SYPL1: variants seen among roughly 807,000 people sequenced by gnomAD.
SYPL1 encodes the protein synaptophysin-like protein 1.
In SYPL1, 6 loss-of-function variants were observed where a neutral mutation model predicts 23.7. That is an observed-to-expected ratio of 0.25 (90% CI 0.14 to 0.50). The LOEUF (loss-of-function observed/expected upper bound fraction) is 0.50, where lower values mean the gene tolerates loss of function less well. Ranked by LOEUF, SYPL1 falls within the 20% of genes least tolerant of loss-of-function variation. SYPL1 has a pLI of 0.98. For missense variants in SYPL1, 253 were observed against 288.9 expected (o/e 0.88, Z 0.90); for synonymous variants, 102 against 104.5 (o/e 0.98, Z 0.15).
Position 106,091,871 on chromosome 7 carries a change from T to TA in SYPL1, c.659dup (p.His221ThrfsTer11). On this transcript the variant is annotated frameshift_variant, in exon 5 of 5. Transcript: ENST00000455385. LOFTEE classifies it high-confidence loss of function. This position sits in a 1 kb window ranked among gnomAD's most constrained non-coding sequence, Gnocchi z 5.0. ...GGGCAGATGTATTTGATGGACTGTG[T>TA]AGGCTGGTCTCCTTGTACACAAACC... is the stretch of plus-strand genomic sequence containing the variant. The TA allele has an allele frequency of 1.2e-6, 2 of 1,613,834 alleles. No homozygotes were observed. Among genetic ancestry groups the TA allele is most frequent in the East Asian group, 4.5e-5 (2 of 44,848 alleles).
In SYPL1 at chr7:106,096,590, C is replaced by A. The variant is rs901214209; in HGVS notation, c.402+1100G>T. Among the ~76,000 whole-genome samples, 9 of 152,186 alleles carry A rather than the reference C, an allele frequency of 5.9e-5. No homozygotes were observed. Among genetic ancestry groups the A allele is most frequent in the African/African-American group, 2.2e-4 (9 of 41,446 alleles). On this transcript the variant is annotated intron_variant, in intron 3 of 4. Coordinates refer to ENST00000455385, the MANE Select transcript of SYPL1 (RefSeq NM_182715.4). This position sits in a 1 kb window ranked among gnomAD's most constrained non-coding sequence, Gnocchi z 4.4. ...CACCAATAATCCAGGGCAGATTCTA[C>A]TAACTAAATCTCAGAGAATATTTCT...
intron 2 of SYPL1, 87 bp downstream of exon 2, chr7:106,099,071 C>T: frequency 6.6e-7 from 1 of 1,521,100 alleles, no homozygotes; most frequent in South Asian, 1.3e-5. Flanking sequence ...TTTTCTACCC[C>T]CCACAATCAA....
chr7:106,102,220 G>C (rs7807114), intron 1 of SYPL1, among the ~76,000 whole-genome samples: 62,470 of 151,734 alleles, frequency 0.41, 13,038 homozygotes, highest in East Asian at 0.51. Flanking sequence ...AGCCTCCTGA[G>C]TAGCAGGGGT....
At chr7:106,101,143 C>CT (rs1250530190) in intron 1 of SYPL1, among the ~76,000 whole-genome samples, 1 of 152,106 alleles carries the variant, frequency 6.6e-6, no homozygotes, top group Non-Finnish European at 1.5e-5. Context: ...CTACCCCGCA[C>CT]TACCTATTCC....
At chr7:106,112,483 C>T (rs567147151), upstream of SYPL1, 28 of 1,519,554 alleles carry the variant, frequency 1.8e-5, no homozygotes, top group African/African-American at 3.5e-4. Context: ...CCGCACCTGG[C>T]CGAGTCGACT....
At chr7:106,110,858 G>A (rs1027647918) in intron 1 of SYPL1, among the ~76,000 whole-genome samples, 2 of 152,148 alleles carry the variant, frequency 1.3e-5, no homozygotes, top group African/African-American at 4.8e-5. Context: ...AATCCTCAAT[G>A]AGACTAAATC....
Position 106,097,145 on chromosome 7 carries a change from G to A in SYPL1, c.402+545C>T, listed in dbSNP as rs1413886413. Among the ~76,000 whole-genome samples, 5 of 152,226 alleles carry A rather than the reference G, an allele frequency of 3.3e-5. No individual in the cohort carries two copies. The highest frequency in any genetic ancestry group is 5.9e-5 in the Non-Finnish European group (4 of 68,032). On this transcript the variant is annotated intron_variant, in intron 3 of 4. Transcript: ENST00000455385. The surrounding 1 kb of genome is among the most constrained non-coding windows in gnomAD (Gnocchi z 4.6). ...TTGAGCCCAGGAGGTTGAGGCTGCA[G>A]CAAGCCAAGATGGTGCTACTGCCCT...
intron 1 of SYPL1, among the ~76,000 whole-genome samples, chr7:106,108,707 T>C (rs176499): frequency 0.98 from 149,315 of 152,266 alleles, 73,217 homozygotes; most frequent in East Asian, 1. Flanking sequence ...TGAGCTTTCT[T>C]CAGATTTATT....
At chr7:106,112,505 G>T, upstream of SYPL1, 1 of 1,523,454 alleles carries the variant, frequency 6.6e-7, no homozygotes, top group Non-Finnish European at 8.8e-7. Flanking sequence ...ATCCGCTGGC[G>T]AACCAAGTAG....
rs559284625 is a variant in SYPL1 at position 106,108,537 on chromosome 7, C to T, written c.69+3603G>A. On this transcript the variant is annotated intron_variant, in intron 1 of 4. Transcript: ENST00000455385. ...TCCACAAACACACCTTATGATGGGA[C>T]CCCCAAACCACCAACATAAGTGAAC... Among the ~76,000 whole-genome samples, 150 of 152,160 alleles carry T rather than the reference C, an allele frequency of 9.9e-4. 1 individual carries two copies. Among genetic ancestry groups the T allele is most frequent in the African/African-American group, 3.4e-3 (140 of 41,510 alleles).
upstream of SYPL1, chr7:106,112,556 G>T (rs766915615): frequency 1.3e-6 from 2 of 1,496,846 alleles, no homozygotes; most frequent in Non-Finnish European, 8.9e-7. Flanking sequence ...CCCCTTCCCT[G>T]CGGTTCAGCC....
intron 2 of SYPL1, 65 bp downstream of exon 2, chr7:106,099,093 A>C (rs866079121): frequency 1.3e-6 from 2 of 1,555,542 alleles, no homozygotes; most frequent in Non-Finnish European, 8.7e-7. Flanking sequence ...AAATTGCTGG[A>C]AATCTTAATG....
chr7:106,112,386 G>A (rs1192944139), upstream of SYPL1: 4 of 1,346,128 alleles, frequency 3.0e-6, no homozygotes, highest in Non-Finnish European at 3.8e-6. Context: ...TTGAGCTGCT[G>A]GCTGAGACTC....
intron 1 of SYPL1, among the ~76,000 whole-genome samples, chr7:106,106,172 T>A (rs1214205287): frequency 3.9e-5 from 6 of 152,214 alleles, no homozygotes; most frequent in Non-Finnish European, 8.8e-5. Context: ...AGATACTAAC[T>A]GACATAGTAA....
intron 1 of SYPL1, among the ~76,000 whole-genome samples, chr7:106,099,498 C>T (rs1473109597): frequency 1.3e-5 from 2 of 152,034 alleles, no homozygotes; most frequent in South Asian, 2.1e-4. Flanking sequence ...CTCAAGTGAT[C>T]CTCCCACCTC....
chr7:106,110,490 T>C (rs749803523), intron 1 of SYPL1, among the ~76,000 whole-genome samples: 7 of 152,234 alleles, frequency 4.6e-5, no homozygotes, highest in Non-Finnish European at 1.5e-5. Flanking sequence ...TCATCCTTAA[T>C]AGATCATGAG....
intron 1 of SYPL1, among the ~76,000 whole-genome samples, chr7:106,107,020 G>A (rs1226087847): frequency 6.6e-6 from 1 of 152,106 alleles, no homozygotes; most frequent in African/African-American, 2.4e-5. Flanking sequence ...TCATTAATCT[G>A]AAATCATCTA....
In SYPL1 at chr7:106,096,336, T is replaced by C. The variant is rs1216123032; in HGVS notation, c.402+1354A>G. ...CCAGCAGCAAAATTAAAAATAAATA[T>C]GTAAATAAAACTTGTAATGTTATTT... On this transcript the variant is annotated intron_variant, in intron 3 of 4. Transcript: ENST00000455385. This position sits in a 1 kb window ranked among gnomAD's most constrained non-coding sequence, Gnocchi z 4.4. The C allele has an allele frequency of 6.6e-6, 1 of 152,238 alleles. No individual in the cohort carries two copies. The highest frequency in any genetic ancestry group is 2.4e-5 in the African/African-American group (1 of 41,466). The allele number at this position is 152,238 out of a possible 1,614,324, so 9.4% of individuals were successfully genotyped here.
At position 106,095,275 on chromosome 7, in the gene SYPL1, G is replaced by C. The variant is rs1839959533; in HGVS notation, c.403-2138C>G. ...ATTGAGAATATTGCTAAAAGGGCTT[G>C]TCCTCATTAATAGTACCTAAAAATT... On this transcript the variant is annotated intron_variant, in intron 3 of 4. Coordinates refer to ENST00000455385, the MANE Select transcript of SYPL1 (RefSeq NM_182715.4). This position sits in a 1 kb window ranked among gnomAD's most constrained non-coding sequence, Gnocchi z 4.3. Among the ~76,000 whole-genome samples, 1 of 151,860 alleles carries C rather than the reference G, an allele frequency of 6.6e-6. No individual in the cohort carries two copies. The highest frequency in any genetic ancestry group is 6.6e-5 in the Admixed American group (1 of 15,234).
Sources: allele counts gnomAD v4.1 joint callset (sites outside exome capture counted in the v4.1 genomes callset), GRCh38; gene constraint gnomAD v4.1.1; non-coding constraint Gnocchi (gnomAD v3.1); transcripts MANE v1.5; gene names NCBI Gene and HGNC (gene_info 2026-07-23, HGNC 2026-07-21).